Variants in DUSP16 observed in about 807,000 individuals in gnomAD.
The protein encoded by DUSP16 is dual specificity phosphatase 16, also known as dual specificity protein phosphatase 16.
Under a neutral mutation model 58.3 loss-of-function variants are expected in DUSP16, and 21 were observed. That is an observed-to-expected ratio of 0.36 (90% CI 0.26 to 0.52). DUSP16 has a LOEUF of 0.52. Among genes scored for constraint, DUSP16 ranks in the 20% least tolerant of loss-of-function variants. The pLI is 0.94. For synonymous variants in DUSP16, 320 were observed against 323.8 expected, an observed-to-expected ratio of 0.99 and a Z score of 0.12; for missense variants, 726 against 819.0, an observed-to-expected ratio of 0.89 and a Z score of 1.39.
intron 5 of DUSP16, 150 bp from the exon 6 acceptor site, chr12:12,480,496 T>C: frequency 1.1e-6 from 1 of 931,176 alleles, no homozygotes; most frequent in South Asian, 2.6e-5. Context: ...CAATATTCTT[T>C]TGAGGAGGCA....
At chr12:12,517,682 T>C (rs1944173824) in intron 3 of DUSP16, among the ~76,000 whole-genome samples, 1 of 152,100 alleles carries the variant, frequency 6.6e-6, no homozygotes, top group African/African-American at 2.4e-5. Context: ...TCACAAGAAA[T>C]CCAGCTGCTC....
chr12:12,547,285 C>T (rs566138311), intron 1 of DUSP16, among the ~76,000 whole-genome samples: 3 of 151,586 alleles, frequency 2.0e-5, no homozygotes, highest in South Asian at 2.1e-4. Context: ...AAAAATTAGC[C>T]GGGCGTGGTG....
At chr12:12,491,812 AT>A (rs1469890392) in intron 4 of DUSP16, among the ~76,000 whole-genome samples, 1 of 152,042 alleles carries the variant, frequency 6.6e-6, no homozygotes, top group African/African-American at 2.4e-5. Context: ...CATAATCTTG[AT>A]TTCATGCACC....
chr12:12,541,698 C>T (rs1358072356), intron 1 of DUSP16, among the ~76,000 whole-genome samples: 1 of 152,080 alleles, frequency 6.6e-6, no homozygotes, highest in Non-Finnish European at 1.5e-5. Flanking sequence ...CACCACAAAC[C>T]CTAGAGAGAA....
At chr12:12,502,450 G>A (rs1943922591) in intron 3 of DUSP16, among the ~76,000 whole-genome samples, 1 of 152,024 alleles carries the variant, frequency 6.6e-6, no homozygotes, top group Admixed American at 6.6e-5. Flanking sequence ...AGTTCTTAAG[G>A]TAATCTGATA....
At chr12:12,556,183 C>A (rs1944803201) in intron 1 of DUSP16, among the ~76,000 whole-genome samples, 1 of 152,168 alleles carries the variant, frequency 6.6e-6, no homozygotes, top group African/African-American at 2.4e-5. Flanking sequence ...TAGGTGCATA[C>A]AGAATAATTC....
intron 4 of DUSP16, among the ~76,000 whole-genome samples, chr12:12,496,663 A>G (rs917916944): frequency 2.0e-5 from 3 of 152,244 alleles, no homozygotes; most frequent in African/African-American, 4.8e-5. Flanking sequence ...ATTGTAACTG[A>G]TAAGAGAGAA....
intron 1 of DUSP16, among the ~76,000 whole-genome samples, chr12:12,554,982 T>C (rs1334996382): frequency 6.6e-6 from 1 of 152,228 alleles, no homozygotes; most frequent in African/African-American, 2.4e-5. Context: ...AACTATCTTC[T>C]CGAGGAATTT....
intron 1 of DUSP16, among the ~76,000 whole-genome samples, chr12:12,540,570 C>T (rs562533445): frequency 6.6e-6 from 1 of 152,138 alleles, no homozygotes; most frequent in African/African-American, 2.4e-5. Flanking sequence ...AATTTTAAAG[C>T]AATTTCATAA....
intron 1 of DUSP16, among the ~76,000 whole-genome samples, chr12:12,555,608 C>T (rs1944795106): frequency 6.6e-6 from 1 of 152,104 alleles, no homozygotes; most frequent in Non-Finnish European, 1.5e-5. Context: ...TCTATAAACG[C>T]AATTTGCCCC....
chr12:12,539,819 G>C (rs572646907), intron 1 of DUSP16, among the ~76,000 whole-genome samples: 1 of 151,546 alleles, frequency 6.6e-6, no homozygotes, highest in Non-Finnish European at 1.5e-5. Flanking sequence ...GGGAGGCCGA[G>C]GCAGGTGGAC....
Position 12,476,173 on chromosome 12 carries a change from T to C in DUSP16, c.*660A>G, listed in dbSNP as rs1289576231. ...TGACTAGCTACCTACCTATTCACAA[T>C]GCCTAGAAAATGGGCTACCAGATAT... On this transcript the variant is annotated 3_prime_UTR_variant, in exon 7 of 7. Coordinates refer to ENST00000298573, the MANE Select transcript of DUSP16 (RefSeq NM_030640.3). 6.5e-6 allele frequency: 1 copy of C among 152,680 alleles called. No homozygotes were observed. Among genetic ancestry groups the C allele is most frequent in the African/African-American group, 2.4e-5 (1 of 41,462 alleles). The allele number at this position is 152,680 out of a possible 1,614,324, so 9.5% of individuals were successfully genotyped here.
chr12:12,517,020 C>T (rs575859774), intron 3 of DUSP16, among the ~76,000 whole-genome samples: 1 of 152,278 alleles, frequency 6.6e-6, no homozygotes, highest in Non-Finnish European at 1.5e-5. Flanking sequence ...TGTCAGTCTC[C>T]TCTTGTTTGA....
intron 4 of DUSP16, among the ~76,000 whole-genome samples, chr12:12,492,810 A>G (rs889572805): frequency 2.6e-5 from 4 of 152,156 alleles, no homozygotes; most frequent in African/African-American, 7.2e-5. Flanking sequence ...ACCAATTCTC[A>G]GTCTTCATCT....
chr12:12,560,362 AT>A (rs146314095), intron 1 of DUSP16, among the ~76,000 whole-genome samples: 1,789 of 152,280 alleles, frequency 0.012, 37 homozygotes, highest in African/African-American at 0.041. Context: ...TTCATTTCTA[AT>A]TTTTCCCCCA....
intron 3 of DUSP16, among the ~76,000 whole-genome samples, chr12:12,508,000 AT>A (rs1408112830): frequency 6.6e-6 from 1 of 152,228 alleles, no homozygotes; most frequent in African/African-American, 2.4e-5. Flanking sequence ...TCATTTGCTT[AT>A]TTTAGAATAT....
At chr12:12,480,372 T>C (rs1157020038) in intron 5 of DUSP16, 26 bp from the exon 6 acceptor site, 2 of 1,608,932 alleles carry the variant, frequency 1.2e-6, no homozygotes, top group Non-Finnish European at 1.7e-6. Flanking sequence ...GCAAGAAAGG[T>C]CACTACTAAC....
chr12:12,485,073 G>A (rs565844302), intron 5 of DUSP16, among the ~76,000 whole-genome samples: 33 of 149,966 alleles, frequency 2.2e-4, no homozygotes, highest in South Asian at 4.2e-4. Flanking sequence ...GCAGTGGCGC[G>A]ATCTTGGCTC....
In DUSP16 at chr12:12,531,692, G is replaced by A. The variant is rs181474460; in HGVS notation, c.-365-10229C>T. Among the ~76,000 whole-genome samples the A allele has an allele frequency of 4.6e-5, 7 of 152,218 alleles. No homozygotes were observed. The East Asian group carries it at 5.8e-4, about 13-fold the overall frequency. On this transcript the variant is annotated intron_variant, in intron 1 of 6. Transcript: ENST00000298573. ...TCAAGACCAGTCTGGCCAACAGGGCGAAACCCCGTCTCTACTAAAAATACA... is the reference window on the plus strand; with the variant it reads ...TCAAGACCAGTCTGGCCAACAGGGCAAAACCCCGTCTCTACTAAAAATACA...
Sources: gnomAD v4.1 joint callset for allele counts (sites outside exome capture counted in the v4.1 genomes callset) on GRCh38, gnomAD v4.1.1 for gene constraint, MANE v1.5 for transcripts, NCBI Gene and HGNC (gene_info 2026-07-23, HGNC 2026-07-21) for gene names.